NDST4: variants seen among roughly 807,000 people sequenced by gnomAD.
The protein encoded by NDST4 is N-heparan sulfate sulfotransferase 4.
NDST4 carries 63 observed loss-of-function variants against 100.8 expected under a neutral mutation model. That is an observed-to-expected ratio of 0.62 (90% CI 0.51 to 0.77). The LOEUF (loss-of-function observed/expected upper bound fraction) is 0.77. Ranked by LOEUF, NDST4 falls within the 30% of genes least tolerant of loss-of-function variation. NDST4 has a pLI of 0.00. For synonymous variants in NDST4, 377 were observed against 361.8 expected (o/e 1.04, Z -0.48); for missense variants, 943 against 1,018.4 (o/e 0.93, Z 1.01).
intron 12 of NDST4, among the ~76,000 whole-genome samples, chr4:114,832,761 CT>C (rs1256723169): frequency 6.6e-6 from 1 of 152,172 alleles, no homozygotes; most frequent in African/African-American, 2.4e-5. Flanking sequence ...CAGAGAAGGA[CT>C]TGGCTGTCTT....
At chr4:115,088,015 A>G (rs1001483085) in intron 1 of NDST4, among the ~76,000 whole-genome samples, 4 of 151,884 alleles carry the variant, frequency 2.6e-5, no homozygotes, top group African/African-American at 9.7e-5. Context: ...TTAGATTATG[A>G]TAGTTATAAT....
intron 2 of NDST4, among the ~76,000 whole-genome samples, chr4:115,059,378 G>A (rs751293427): frequency 6.6e-6 from 1 of 152,002 alleles, no homozygotes; most frequent in Non-Finnish European, 1.5e-5. Flanking sequence ...TCTCCACACT[G>A]TGATTACCTT....
intron 1 of NDST4, among the ~76,000 whole-genome samples, chr4:115,106,761 T>C (rs552337063): frequency 6.6e-6 from 1 of 152,254 alleles, no homozygotes; most frequent in Non-Finnish European, 1.5e-5. Context: ...GTTAGGTCCA[T>C]CATTCCAGCC....
chr4:114,911,178 C>T (rs569013270), intron 6 of NDST4, among the ~76,000 whole-genome samples: 1 of 152,250 alleles, frequency 6.6e-6, no homozygotes, highest in African/African-American at 2.4e-5. Context: ...CTTTCCATGG[C>T]CTAGTTCGCA....
chr4:114,963,991 G>T (rs1039091484), intron 4 of NDST4, among the ~76,000 whole-genome samples: 1 of 152,118 alleles, frequency 6.6e-6, no homozygotes, highest in African/African-American at 2.4e-5. Context: ...GCTAGACCTA[G>T]TGACTGGCTT....
At chr4:115,057,774 T>C (rs113972998) in intron 2 of NDST4, among the ~76,000 whole-genome samples, 3,836 of 151,374 alleles carry the variant, frequency 0.025, 177 homozygotes, top group African/African-American at 0.088. Context: ...AAGGGCAGTG[T>C]TCAGATATGA....
Position 114,978,775 on chromosome 4 carries a change from G to A in NDST4, c.979-1501C>T, listed in dbSNP as rs545122308. Among the ~76,000 whole-genome samples, 114 of 151,342 alleles carry A rather than the reference G, an allele frequency of 7.5e-4. 1 individual carries two copies. The highest frequency in any genetic ancestry group is 5.8e-4 in the East Asian group (3 of 5,134). On this transcript the variant is annotated intron_variant, in intron 2 of 13. Transcript: ENST00000264363. ...CTTGATTTTTAAAAAAATTTCTCCC[G>A]TCTGCTATTCCCCTCACCACTCCAA...
intron 6 of NDST4, among the ~76,000 whole-genome samples, chr4:114,896,712 A>T (rs957624965): frequency 2.0e-5 from 3 of 152,108 alleles, no homozygotes; most frequent in Non-Finnish European, 4.4e-5. Context: ...TCTATATATG[A>T]GATGTTCACA....
At chr4:115,040,801 T>G (rs542533789) in intron 2 of NDST4, among the ~76,000 whole-genome samples, 1 of 152,002 alleles carries the variant, frequency 6.6e-6, no homozygotes, top group Non-Finnish European at 1.5e-5. Context: ...TAGAATAATT[T>G]GAGCATCAAT....
At chr4:115,057,605 A>G (rs576396046) in intron 2 of NDST4, among the ~76,000 whole-genome samples, 15 of 152,068 alleles carry the variant, frequency 9.9e-5, no homozygotes, top group Non-Finnish European at 1.9e-4. Context: ...TATAGTACAC[A>G]TCGATTCAGC....
intron 11 of NDST4, among the ~76,000 whole-genome samples, chr4:114,836,856 T>A (rs1723316163): frequency 1.3e-5 from 2 of 152,166 alleles, no homozygotes; most frequent in Non-Finnish European, 1.5e-5. Context: ...CATACCTTAT[T>A]TCAGTAAGTT....
chr4:114,933,360 T>G (rs1217782893), intron 6 of NDST4, among the ~76,000 whole-genome samples: 1 of 150,912 alleles, frequency 6.6e-6, no homozygotes, highest in Non-Finnish European at 1.5e-5. Flanking sequence ...TACCTGAAAC[T>G]GGAAAACTAC....
chr4:114,872,205 T>C (rs1724163176), intron 6 of NDST4, among the ~76,000 whole-genome samples: 1 of 152,026 alleles, frequency 6.6e-6, no homozygotes, highest in Admixed American at 6.6e-5. Flanking sequence ...TGGATAACTA[T>C]AAATGTCTAA....
intron 2 of NDST4, among the ~76,000 whole-genome samples, chr4:115,063,962 A>G (rs1162540166): frequency 1.3e-5 from 2 of 151,968 alleles, no homozygotes; most frequent in South Asian, 2.1e-4. Context: ...GTTTCAAGAA[A>G]TTGCTCTCAG....
intron 2 of NDST4, among the ~76,000 whole-genome samples, chr4:115,006,970 T>C (rs1727433195): frequency 6.6e-6 from 1 of 152,136 alleles, no homozygotes. Context: ...AGACTTACAA[T>C]TGTGAGAATT....
At chr4:115,065,212 C>CT in intron 2 of NDST4, among the ~76,000 whole-genome samples, 1 of 152,112 alleles carries the variant, frequency 6.6e-6, no homozygotes, top group Non-Finnish European at 1.5e-5. Flanking sequence ...CGGCCAAACT[C>CT]TGTCTTAGCT....
chr4:114,867,665 C>A (rs199575016), intron 7 of NDST4, among the ~76,000 whole-genome samples: 1,607 of 79,474 alleles, frequency 0.02, 1 homozygote, highest in Middle Eastern at 0.12. Flanking sequence ...AAAAAAAAAG[C>A]AAAAAAAAAA....
chr4:115,092,101 T>C (rs545543904), intron 1 of NDST4, among the ~76,000 whole-genome samples: 2 of 152,270 alleles, frequency 1.3e-5, no homozygotes, highest in South Asian at 4.1e-4. Context: ...AAAGTCCAGT[T>C]TGAAAAGTAG....
chr4:115,021,255 C>T (rs1275637663), intron 2 of NDST4, among the ~76,000 whole-genome samples: 1 of 144,076 alleles, frequency 6.9e-6, no homozygotes. Flanking sequence ...TATATATATT[C>T]CACATATATA....
Sources: allele counts gnomAD v4.1 joint callset (sites outside exome capture counted in the v4.1 genomes callset), GRCh38; gene constraint gnomAD v4.1.1; transcripts MANE v1.5; gene names NCBI Gene and HGNC (gene_info 2026-07-23, HGNC 2026-07-21).